The following CCDC183 variants were observed in gnomAD, a reference collection of about 807,000 sequenced individuals.
CCDC183 encodes coiled-coil domain-containing protein 183.
CCDC183 carries 63 observed loss-of-function variants against 65.2 expected under a neutral mutation model. The observed-to-expected ratio is 0.97, with a 90% CI of 0.79 to 1.19. The LOEUF (loss-of-function observed/expected upper bound fraction) is 1.19. Ranked by LOEUF, CCDC183 falls within the 50% of genes most tolerant of loss-of-function variation. The pLI is 0.00. For missense variants in CCDC183, 769 were observed against 689.3 expected (o/e 1.12, Z -1.30); for synonymous variants, 323 against 276.5 (o/e 1.17, Z -1.67).
intron 1 of CCDC183, among the ~76,000 whole-genome samples, chr9:136,798,838 A>G (rs997174849): frequency 6.6e-6 from 1 of 152,050 alleles, no homozygotes; most frequent in Non-Finnish European, 1.5e-5. Context: ...GGACCACAGG[A>G]CCCTGCCATC....
chr9:136,804,504 G>A lies in CCDC183; in HGVS notation c.669G>A (p.Arg223=), dbSNP rs772262649. Reference sequence around the variant, plus strand: ...TGTGCCCACCCGCATGTCCCCAGAGGAACATGAGGCAAAGGGAGGCGTCCT... The same window carrying A: ...TGTGCCCACCCGCATGTCCCCAGAGAAACATGAGGCAAAGGGAGGCGTCCT... ...DAMMITDEVK[R]NMRQREASFI... Residue 223 remains arginine, a splice_region_variant and synonymous_variant, in exon 7 of 14, where the codon AGG becomes AGA. Transcript: ENST00000338005. This position sits in a 1 kb window ranked among gnomAD's most constrained non-coding sequence, Gnocchi z 4.1. 3 of 1,612,312 alleles carry A rather than the reference G, an allele frequency of 1.9e-6. No homozygotes were observed. The highest frequency in any genetic ancestry group is 1.6e-4 in the Middle Eastern group (1 of 6,078).
rs1248205228 is a variant in CCDC183, at chr9:136,807,555, G to A, written c.1487-17G>A. The A allele has an allele frequency of 2.5e-6, 4 of 1,584,504 alleles. No homozygotes were observed. Among genetic ancestry groups the A allele is most frequent in the African/African-American group, 1.4e-5 (1 of 73,768 alleles). ...GCTGGGCTAGCCCCGTGTGCGAGCCGCCGCCTCCGCCCGCAGACACCTTCC... is the reference window on the plus strand; with the variant it reads ...GCTGGGCTAGCCCCGTGTGCGAGCCACCGCCTCCGCCCGCAGACACCTTCC... On this transcript the variant is annotated splice_polypyrimidine_tract_variant and intron_variant, in intron 13 of 13. Coordinates refer to ENST00000338005, the MANE Select transcript of CCDC183 (RefSeq NM_001039374.5).
chr9:136,806,841 G>A lies in CCDC183; in HGVS notation c.1363G>A (p.Val455Met), dbSNP rs755565621. The change falls in exon 12 of 14, where the codon GTG (valine) becomes ATG (methionine). Residue 455 changes from valine (V) to methionine (M), a missense_variant. By Grantham distance (21) the Val-to-Met change is conservative. Coordinates refer to ENST00000338005, the MANE Select transcript of CCDC183 (RefSeq NM_001039374.5). ...EGKLTYLADR[V>M]QMVSRTEEGD... ...GAAGCTCACGTACCTGGCTGACAGAGTGCAGATGGTGTCCAGGACCGAGGA... is the reference window on the plus strand; with the variant it reads ...GAAGCTCACGTACCTGGCTGACAGAATGCAGATGGTGTCCAGGACCGAGGA... The A allele has an allele frequency of 2.0e-5, 33 of 1,613,454 alleles. 1 individual carries two copies. In the South Asian group the frequency reaches 3.6e-4, roughly 18 times the overall value.
Position 136,796,414 on chromosome 9 carries a change from A to T in CCDC183, c.17A>T (p.Glu6Val), listed in dbSNP as rs1270887202. 1 of 1,585,526 alleles carries T rather than the reference A, an allele frequency of 6.3e-7. No homozygotes were observed. The highest frequency in any genetic ancestry group is 1.2e-5 in the South Asian group (1 of 86,546). The change falls in exon 1 of 14, where the codon GAG (glutamate) becomes GTG (valine). Residue 6 changes from glutamate (E) to valine (V), a missense_variant. Glu to Val is a moderately radical substitution (Grantham distance 121). Coordinates refer to ENST00000338005, the MANE Select transcript of CCDC183 (RefSeq NM_001039374.5). ...AGAGCAGCCATGAGGAGGCACAGTG[A>T]GACAGATGTGGAAGAGCAGACCCAG... MRRHS[E>V]TDVEEQTQEL... is the part of the protein sequence containing the mutation.
chr9:136,799,336 C>T lies in CCDC183; in HGVS notation c.192+113C>T, dbSNP rs933067718. On this transcript the variant is annotated intron_variant, in intron 2 of 13. Transcript: ENST00000338005. ...ACCCCCACCCCAATCTTTCTGGATCCAGGGGGCATGTGAGGAGGGGCTCTG... is the reference window on the plus strand; with the variant it reads ...ACCCCCACCCCAATCTTTCTGGATCTAGGGGGCATGTGAGGAGGGGCTCTG... 91 of 1,434,558 alleles carry T rather than the reference C, an allele frequency of 6.3e-5. No individual in the cohort carries two copies. In the East Asian group the frequency reaches 2.2e-3, roughly 34 times the overall value. 88.9% of individuals were successfully genotyped at this position (1,434,558 alleles called of 1,614,324 possible). A position where few individuals can be genotyped will look rare whatever the true frequency, so the allele number is the denominator to read the frequency against.
chr9:136,797,580 A>G (rs530618040), intron 1 of CCDC183, among the ~76,000 whole-genome samples: 31 of 151,700 alleles, frequency 2.0e-4, no homozygotes, highest in Non-Finnish European at 4.3e-4. Flanking sequence ...CTGGGACTAC[A>G]GGCACCCACC....
rs369784221 is a variant in CCDC183 at position 136,806,546 on chromosome 9, G to A, written c.1152G>A (p.Glu384=). ...AGAAAATGACAGACATGCTAAAAGA[G>A]GAAGAAGAGAGGCTCCAGCTGGCGC... is the stretch of plus-strand genomic sequence containing the variant. The part of the protein sequence containing the change: ...VEKKMTDMLK[E]EEERLQLAHS... Residue 384 remains glutamate (E), a synonymous_variant, in exon 11 of 14, where the codon GAG becomes GAA. Coordinates refer to ENST00000338005, the MANE Select transcript of CCDC183 (RefSeq NM_001039374.5). The A allele has an allele frequency of 4.1e-5, 66 of 1,613,528 alleles. No individual in the cohort carries two copies. Among genetic ancestry groups the A allele is most frequent in the Non-Finnish European group, 5.3e-5 (63 of 1,180,054 alleles).
rs954600982 is a variant in CCDC183, at chr9:136,799,916, C to T, written c.271-86C>T. On this transcript the variant is annotated intron_variant, in intron 3 of 13. Transcript: ENST00000338005. The stretch of plus-strand genomic sequence containing the variant: ...AGCCCCAGGTTCCCTGTGGGGTTGC[C>T]ACGAGCCTCCACCCGCCCGCCTGCT... 1.6e-5 allele frequency: 24 copies of T among 1,524,672 alleles called. No individual in the cohort carries two copies. The East Asian group carries it at 5.4e-4, about 34-fold the overall frequency. The allele number at this position is 1,524,672 out of a possible 1,614,324, so 94.4% of individuals were successfully genotyped here. A position where few individuals can be genotyped will look rare whatever the true frequency, so the allele number is the denominator to read the frequency against.
chr9:136,802,594 C>A (rs1423713775), intron 5 of CCDC183, 70 bp from the exon 6 acceptor site: 3 of 1,537,554 alleles, frequency 2.0e-6, no homozygotes, highest in African/African-American at 1.4e-5. Flanking sequence ...GGCTCTTAGT[C>A]GGGGGATAAA....
chr9:136,802,150 G>C (rs968175792), intron 5 of CCDC183, among the ~76,000 whole-genome samples: 1 of 152,184 alleles, frequency 6.6e-6, no homozygotes, highest in Non-Finnish European at 1.5e-5. Flanking sequence ...GTATGTACCT[G>C]GTTCTGGGCT....
At chr9:136,807,127 G>A in intron 13 of CCDC183, 61 bp downstream of exon 13, 1 of 1,514,178 alleles carries the variant, frequency 6.6e-7, no homozygotes, top group Non-Finnish European at 9.1e-7. Context: ...AGGTCGGGGT[G>A]GCGCCGGCTC....
chr9:136,799,616 C>G, intron 2 of CCDC183, 97 bp from the exon 3 acceptor site: 2 of 1,016,186 alleles, frequency 2.0e-6, no homozygotes, highest in Non-Finnish European at 3.0e-6. Context: ...ACTGGGCTAG[C>G]GTGGGATACA....
chr9:136,797,157 C>G (rs772907298), intron 1 of CCDC183, among the ~76,000 whole-genome samples: 2 of 152,198 alleles, frequency 1.3e-5, no homozygotes, highest in African/African-American at 4.8e-5. Context: ...TTACTCTTTG[C>G]TACACTGAGA....
intron 3 of CCDC183, 97 bp downstream of exon 3, chr9:136,799,887 GC>G: frequency 6.6e-7 from 1 of 1,507,210 alleles, no homozygotes; most frequent in Non-Finnish European, 9.0e-7. Context: ...CGGAGCAGGT[GC>G]CCAGCCCCAG....
intron 6 of CCDC183, among the ~76,000 whole-genome samples, chr9:136,803,692 G>A (rs1354705602): frequency 6.6e-6 from 1 of 152,210 alleles, no homozygotes; most frequent in Non-Finnish European, 1.5e-5. Flanking sequence ...CTTGAGCTGG[G>A]CTGAGGGATT....
intron 12 of CCDC183, 28 bp downstream of exon 12, chr9:136,806,895 C>T (rs760965707): frequency 2.5e-6 from 4 of 1,613,260 alleles, no homozygotes; most frequent in Non-Finnish European, 3.4e-6. Flanking sequence ...GGAACCTGCA[C>T]AGCCCACGTC....
rs948422011 is a variant in CCDC183, at chr9:136,804,808, C to T, written c.839C>T (p.Thr280Ile). ...DFPSNLMSTE[T>I]LKLRRKETST... ...CCCTCGAACCTGATGAGCACGGAGA[C>T]CCTGAAATGTAAGCGCTCAGCTCCC... Residue 280 changes from threonine to isoleucine, a missense_variant, in exon 8 of 14, where the codon ACC becomes ATC. By Grantham distance (89) the Thr-to-Ile change is moderately conservative. Coordinates refer to ENST00000338005, the MANE Select transcript of CCDC183 (RefSeq NM_001039374.5). This position sits in a 1 kb window ranked among gnomAD's most constrained non-coding sequence, Gnocchi z 4.1. 1.9e-6 allele frequency: 3 copies of T among 1,613,634 alleles called. No individual in the cohort carries two copies. Among genetic ancestry groups the T allele is most frequent in the African/African-American group, 2.7e-5 (2 of 74,846 alleles).
chr9:136,807,590 A>T lies in CCDC183; in HGVS notation c.1505A>T (p.Asp502Val), dbSNP rs1437963381. Residue 502 changes from aspartate to valine, a missense_variant, in exon 14 of 14, where the codon GAC becomes GTC. Physicochemically the swap from Asp to Val is radical, Grantham distance 152. Coordinates refer to ENST00000338005, the MANE Select transcript of CCDC183 (RefSeq NM_001039374.5). ...EDMIDTFQFP[D>V]MDHSYVPSRA... Reference sequence around the variant, plus strand: ...CCCGCAGACACCTTCCAGTTCCCCGACATGGACCACAGCTACGTCCCTTCG... The same window carrying T: ...CCCGCAGACACCTTCCAGTTCCCCGTCATGGACCACAGCTACGTCCCTTCG... 5 of 1,605,172 alleles carry T rather than the reference A, an allele frequency of 3.1e-6. No homozygotes were observed. The highest frequency in any genetic ancestry group is 4.3e-6 in the Non-Finnish European group (5 of 1,176,466).
chr9:136,797,985 T>C (rs1380483056), intron 1 of CCDC183, among the ~76,000 whole-genome samples: 1 of 152,062 alleles, frequency 6.6e-6, no homozygotes, highest in East Asian at 1.9e-4. Context: ...CACACTCAGC[T>C]AATTTTCGTA....
Sources: gnomAD v4.1 joint callset for allele counts (sites outside exome capture counted in the v4.1 genomes callset) on GRCh38, gnomAD v4.1.1 for gene constraint, Gnocchi (gnomAD v3.1) non-coding constraint, MANE v1.5 for transcripts, NCBI Gene and HGNC (gene_info 2026-07-23, HGNC 2026-07-21) for gene names.